Variants in CLMP observed in about 807,000 individuals in gnomAD.
The protein encoded by CLMP is CXADR-like membrane protein.
In CLMP, 27 loss-of-function variants were observed where a neutral mutation model predicts 45.2. The ratio of observed to expected loss-of-function variants is 0.60; its 90% CI spans 0.44 to 0.82. The LOEUF is 0.82. Ranked by LOEUF, CLMP falls within the 40% of genes least tolerant of loss-of-function variation. The pLI is 0.00. For missense variants in CLMP, 403 were observed against 448.4 expected, an observed-to-expected ratio of 0.90 and a Z score of 0.91; for synonymous variants, 167 against 171.4, an observed-to-expected ratio of 0.97 and a Z score of 0.20.
chr11:123,126,575 T>C (rs750533207), intron 1 of CLMP, among the ~76,000 whole-genome samples: 28 of 152,058 alleles, frequency 1.8e-4, no homozygotes, highest in Non-Finnish European at 3.4e-4. Flanking sequence ...TTTCTACTCT[T>C]GAGCTAAGTT....
At chr11:123,189,230 G>A (rs542121978) in intron 1 of CLMP, among the ~76,000 whole-genome samples, 71 of 152,312 alleles carry the variant, frequency 4.7e-4, no homozygotes, top group Non-Finnish European at 8.2e-4. Context: ...TGAAGCCTCT[G>A]CTTCAGCCTG....
intron 5 of CLMP, among the ~76,000 whole-genome samples, chr11:123,076,999 T>G (rs997832062): frequency 2.2e-5 from 2 of 91,270 alleles, no homozygotes; most frequent in Non-Finnish European, 4.6e-5. Context: ...TTCTTTTTTT[T>G]TTTTTTTTTT....
intron 1 of CLMP, among the ~76,000 whole-genome samples, chr11:123,158,237 C>T (rs548411360): frequency 6.6e-6 from 1 of 152,298 alleles, no homozygotes; most frequent in Non-Finnish European, 1.5e-5. Flanking sequence ...AAGTGCCCTT[C>T]CAATTATAGT....
At chr11:123,095,113 G>A (rs142820712) in intron 2 of CLMP, among the ~76,000 whole-genome samples, 224 of 152,302 alleles carry the variant, frequency 1.5e-3, no homozygotes, top group African/African-American at 5.0e-3. Flanking sequence ...ATCAACTGAA[G>A]ACAAGCAGGG....
chr11:123,194,132 C>T (rs1341258347), intron 1 of CLMP, among the ~76,000 whole-genome samples: 1 of 152,018 alleles, frequency 6.6e-6, no homozygotes, highest in African/African-American at 2.4e-5. Context: ...TGCCTCAGGG[C>T]CTCTGAGGCC....
intron 1 of CLMP, among the ~76,000 whole-genome samples, chr11:123,194,090 A>G (rs1861945264): frequency 6.6e-6 from 1 of 151,632 alleles, no homozygotes; most frequent in African/African-American, 2.4e-5. Flanking sequence ...TACCACCCAC[A>G]TCCCTGATGT....
At chr11:123,181,110 C>A (rs1168448485) in intron 1 of CLMP, among the ~76,000 whole-genome samples, 2 of 152,168 alleles carry the variant, frequency 1.3e-5, no homozygotes, top group African/African-American at 4.8e-5. Flanking sequence ...TACCACACAG[C>A]GTGACCTCTA....
At chr11:123,187,708 T>G (rs1349114312) in intron 1 of CLMP, among the ~76,000 whole-genome samples, 1 of 152,130 alleles carries the variant, frequency 6.6e-6, no homozygotes, top group Non-Finnish European at 1.5e-5. Context: ...AAACATCCCA[T>G]GAGAGATGAG....
intron 1 of CLMP, among the ~76,000 whole-genome samples, chr11:123,105,511 A>G (rs1591459565): frequency 6.7e-6 from 1 of 150,004 alleles, no homozygotes; most frequent in African/African-American, 2.5e-5. Context: ...GCTCACCACA[A>G]CCTCCGCCTC....
chr11:123,075,303 A>G (rs1565374986), intron 5 of CLMP, among the ~76,000 whole-genome samples: 2 of 151,398 alleles, frequency 1.3e-5, no homozygotes, highest in Non-Finnish European at 2.9e-5. Context: ...ACTCTCTCTT[A>G]TTGTATGACC....
chr11:123,157,707 CAA>C (rs1861433016), intron 1 of CLMP, among the ~76,000 whole-genome samples: 1 of 53,014 alleles, frequency 1.9e-5, no homozygotes, highest in Non-Finnish European at 3.6e-5. Context: ...CTAGCCTGGG[CAA>C]AAGAGTGAAA....
chr11:123,093,756 C>T (rs573088476), intron 2 of CLMP, among the ~76,000 whole-genome samples: 1 of 150,622 alleles, frequency 6.6e-6, no homozygotes, highest in Non-Finnish European at 1.5e-5. Context: ...TCAATTTAGT[C>T]CTTTTGCAAA....
intron 1 of CLMP, among the ~76,000 whole-genome samples, chr11:123,124,272 T>C (rs1860860089): frequency 1.3e-5 from 2 of 152,140 alleles, no homozygotes; most frequent in South Asian, 4.1e-4. Flanking sequence ...TGCTTTGGCC[T>C]CCCAAAGTGT....
At chr11:123,103,694 C>CT (rs369382777) in intron 1 of CLMP, among the ~76,000 whole-genome samples, 11 of 151,226 alleles carry the variant, frequency 7.3e-5, no homozygotes, top group East Asian at 5.8e-4. Context: ...CCTTCTGTCC[C>CT]TTTTTTTTTC....
chr11:123,177,858 T>A (rs1861718353), intron 1 of CLMP, among the ~76,000 whole-genome samples: 1 of 152,160 alleles, frequency 6.6e-6, no homozygotes, highest in African/African-American at 2.4e-5. Flanking sequence ...TTTTATTTAA[T>A]TATTTTATTA....
chr11:123,103,155 C>T (rs926905012), intron 1 of CLMP, among the ~76,000 whole-genome samples: 1 of 152,038 alleles, frequency 6.6e-6, no homozygotes, highest in Non-Finnish European at 1.5e-5. Context: ...TATAAAGCAG[C>T]TTTAGAATAG....
intron 1 of CLMP, among the ~76,000 whole-genome samples, chr11:123,193,303 G>C (rs1454227699): frequency 6.6e-6 from 1 of 152,244 alleles, no homozygotes. Flanking sequence ...CAGCCAATAG[G>C]CTTGTTGTGA....
chr11:123,118,355 G>A lies in CLMP; in HGVS notation c.29-20403C>T, dbSNP rs552081923. 2.6e-4 allele frequency among the ~76,000 whole-genome samples: 39 copies of A among 152,150 alleles called. 1 individual carries two copies. In the South Asian group the frequency reaches 7.5e-3, roughly 29 times the overall value. On this transcript the variant is annotated intron_variant, in intron 1 of 6. Coordinates refer to ENST00000448775, the MANE Select transcript of CLMP (RefSeq NM_024769.5). ...TCAACATGTTGGCCAGGCTAGTCTC[G>A]AACTCCTGACCTCAGGTGATCTTCC...
intron 1 of CLMP, among the ~76,000 whole-genome samples, chr11:123,183,309 C>A (rs1252826031): frequency 6.6e-6 from 1 of 152,130 alleles, no homozygotes. Flanking sequence ...CGGCTCACTG[C>A]AACCTCCATC....
Sources: gnomAD v4.1 joint callset for allele counts (sites outside exome capture counted in the v4.1 genomes callset) on GRCh38, gnomAD v4.1.1 for gene constraint, MANE v1.5 for transcripts, NCBI Gene and HGNC (gene_info 2026-07-23, HGNC 2026-07-21) for gene names.